Variants in SMARCAD1 observed in about 807,000 individuals in gnomAD.
SMARCAD1 encodes SNF2 related chromatin remodeling ATPase with DExD box 1, also known as SWI/SNF-related matrix-associated actin-dependent regulator of chromatin subfamily A containing DEAD/H box 1.
SMARCAD1 carries 25 observed loss-of-function variants against 127.1 expected under a neutral mutation model. The observed-to-expected ratio is 0.20, with a 90% CI of 0.14 to 0.27. The LOEUF (loss-of-function observed/expected upper bound fraction) is 0.27. Among genes scored for constraint, SMARCAD1 ranks in the 10% least tolerant of loss-of-function variants. SMARCAD1 has a pLI of 1.00. For synonymous variants in SMARCAD1, 400 were observed against 396.9 expected (o/e 1.01, Z -0.09); for missense variants, 807 against 1,206.0 (o/e 0.67, Z 4.90).
intron 2 of SMARCAD1, among the ~76,000 whole-genome samples, chr4:94,222,277 G>A (rs1016433080): frequency 2.0e-5 from 3 of 152,160 alleles, no homozygotes; most frequent in African/African-American, 4.8e-5. Flanking sequence ...TATGTGAAAT[G>A]TTTGGTTTTA....
At chr4:94,258,668 T>A (rs1199396535) in intron 9 of SMARCAD1, among the ~76,000 whole-genome samples, 1 of 152,176 alleles carries the variant, frequency 6.6e-6, no homozygotes, top group Admixed American at 6.6e-5. Context: ...ATGAATAACA[T>A]AGTGAAGCTA....
chr4:94,271,208 C>T lies in SMARCAD1; in HGVS notation c.1572+390C>T, dbSNP rs540123646. On this transcript the variant is annotated intron_variant, in intron 11 of 23. Coordinates refer to ENST00000354268, the MANE Select transcript of SMARCAD1 (RefSeq NM_020159.5). The stretch of plus-strand genomic sequence containing the variant: ...ACGTACATACATATATGTGCTTTTT[C>T]TACAGCTGCCTTTAAAATTGTAACT... Among the ~76,000 whole-genome samples, 15 of 152,238 alleles carry T rather than the reference C, an allele frequency of 9.9e-5. No individual in the cohort carries two copies. The East Asian group carries it at 2.9e-3, about 29-fold the overall frequency.
At chr4:94,275,538 A>T (rs898047564) in intron 14 of SMARCAD1, among the ~76,000 whole-genome samples, 52 of 152,206 alleles carry the variant, frequency 3.4e-4, no homozygotes, top group African/African-American at 1.2e-3. Flanking sequence ...TTAAAAATTC[A>T]TGCGGAATTT....
chr4:94,216,113 C>A (rs1011677059), intron 2 of SMARCAD1, among the ~76,000 whole-genome samples: 15 of 152,060 alleles, frequency 9.9e-5, no homozygotes, highest in African/African-American at 3.6e-4. Context: ...ATCTTTTAAC[C>A]CCATGTGGCT....
intron 3 of SMARCAD1, among the ~76,000 whole-genome samples, chr4:94,230,318 A>G (rs913797525): frequency 2.6e-5 from 4 of 151,972 alleles, no homozygotes; most frequent in Non-Finnish European, 4.4e-5. Flanking sequence ...AAGATAGCAT[A>G]CTACATGTGT....
At chr4:94,225,132 G>A (rs887522527) in intron 2 of SMARCAD1, among the ~76,000 whole-genome samples, 1 of 152,180 alleles carries the variant, frequency 6.6e-6, no homozygotes, top group Non-Finnish European at 1.5e-5. Flanking sequence ...TTATTGACCT[G>A]TTTTTGAACA....
intron 23 of SMARCAD1, among the ~76,000 whole-genome samples, chr4:94,288,183 T>C (rs1755223242): frequency 6.6e-6 from 1 of 152,110 alleles, no homozygotes; most frequent in Admixed American, 6.5e-5. Context: ...ACAATACCAT[T>C]GTAGCATCTA....
At chr4:94,243,264 A>G (rs1306792614) in intron 6 of SMARCAD1, among the ~76,000 whole-genome samples, 2 of 152,228 alleles carry the variant, frequency 1.3e-5, no homozygotes, top group Admixed American at 1.3e-4. Context: ...AATTTTTTAT[A>G]ATGCCTCAGG....
chr4:94,272,320 A>G (rs1050532448), intron 11 of SMARCAD1, among the ~76,000 whole-genome samples: 3 of 152,252 alleles, frequency 2.0e-5, no homozygotes, highest in African/African-American at 4.8e-5. Flanking sequence ...TCAGTCCACA[A>G]CAGTTGATAG....
intron 2 of SMARCAD1, among the ~76,000 whole-genome samples, chr4:94,219,686 C>T (rs1268739019): frequency 6.6e-6 from 1 of 152,148 alleles, no homozygotes; most frequent in East Asian, 1.9e-4. Context: ...AAGAAAATAT[C>T]TTTAAAACAA....
chr4:94,280,612 T>C lies in SMARCAD1; in HGVS notation c.2439T>C (p.Ala813=). The stretch of plus-strand genomic sequence containing the variant: ...TTAAGGAACCTACACATTGTGAGGC[T>C]AACCCTGACCTGATCTTTGAAGATA... The part of the protein sequence containing the change: ...LMLKEPTHCE[A]NPDLIFEDME... Residue 813 remains alanine (A), a synonymous_variant, in exon 20 of 24, where the codon GCT becomes GCC. Transcript: ENST00000354268. 1 of 1,613,728 alleles carries C rather than the reference T, an allele frequency of 6.2e-7. No individual in the cohort carries two copies. Among genetic ancestry groups the C allele is most frequent in the Non-Finnish European group, 8.5e-7 (1 of 1,179,870 alleles).
At chr4:94,259,553 A>G (rs1750637157) in intron 9 of SMARCAD1, among the ~76,000 whole-genome samples, 2 of 152,112 alleles carry the variant, frequency 1.3e-5, no homozygotes. Flanking sequence ...AGTTGTTCTG[A>G]AATTTCAACT....
intron 6 of SMARCAD1, 85 bp from the exon 7 acceptor site, chr4:94,249,569 C>G (rs892354303): frequency 2.2e-5 from 17 of 770,312 alleles, no homozygotes; most frequent in Non-Finnish European, 3.0e-5. Flanking sequence ...ATTTTCAGAT[C>G]AAGTCAAAAT....
intron 3 of SMARCAD1, among the ~76,000 whole-genome samples, chr4:94,232,517 T>C (rs570178222): frequency 1.3e-5 from 2 of 152,300 alleles, no homozygotes; most frequent in African/African-American, 4.8e-5. Flanking sequence ...AGTCTAGGTA[T>C]AATAATGCAA....
At chr4:94,251,479 A>G (rs1749262366) in intron 8 of SMARCAD1, among the ~76,000 whole-genome samples, 1 of 152,154 alleles carries the variant, frequency 6.6e-6, no homozygotes, top group Non-Finnish European at 1.5e-5. Flanking sequence ...CTATACTACC[A>G]ATACTGTTGA....
rs1484325549 is a variant in SMARCAD1, at chr4:94,223,753, TTTTTTTTA to T, written c.191-2365_191-2358del. Among the ~76,000 whole-genome samples the T allele has an allele frequency of 1.8e-3, 99 of 54,334 alleles. 3 individuals carry two copies. The East Asian group carries it at 0.044, about 24-fold the overall frequency. 35.6% of individuals were successfully genotyped at this position (54,334 alleles called of 152,430 possible). A position where few individuals can be genotyped will look rare whatever the true frequency, so the allele number is the denominator to read the frequency against. ...CGGCTAATTTTTTTTTTTTTTTTTT[TTTTTTTTA>T]AAGTAGAGACGAGGTTTCACCACCT... On this transcript the variant is annotated intron_variant, in intron 2 of 23. Transcript: ENST00000354268.
intron 2 of SMARCAD1, among the ~76,000 whole-genome samples, chr4:94,223,892 T>C (rs1398492704): frequency 6.6e-6 from 1 of 152,012 alleles, no homozygotes; most frequent in Non-Finnish European, 1.5e-5. Flanking sequence ...CTCATAGTCT[T>C]CCTGAAGTGT....
Position 94,267,185 on chromosome 4 carries a change from G to T in SMARCAD1, c.1481+2279G>T, listed in dbSNP as rs574723544. 1.1e-4 allele frequency among the ~76,000 whole-genome samples: 16 copies of T among 152,216 alleles called. No individual in the cohort carries two copies. In the East Asian group the frequency reaches 3.1e-3, roughly 29 times the overall value. On this transcript the variant is annotated intron_variant, in intron 10 of 23. Transcript: ENST00000354268. ...TTCTGATCTTGTTCATCCTGAACTT[G>T]ACAGCATGGTTCCTACCCTGTTCTT...
intron 23 of SMARCAD1, among the ~76,000 whole-genome samples, chr4:94,289,231 G>T (rs575064871): frequency 6.6e-6 from 1 of 151,966 alleles, no homozygotes. Flanking sequence ...TTTTTATATA[G>T]CTTTATAAAA....
Sources: gnomAD v4.1 joint callset for allele counts (sites outside exome capture counted in the v4.1 genomes callset) on GRCh38, gnomAD v4.1.1 for gene constraint, MANE v1.5 for transcripts, NCBI Gene and HGNC (gene_info 2026-07-23, HGNC 2026-07-21) for gene names.